The following CTNNA3 variants were observed in gnomAD, a reference collection of about 807,000 sequenced individuals.
The protein encoded by CTNNA3 is catenin alpha-3.
Under a neutral mutation model 95.7 loss-of-function variants are expected in CTNNA3, and 76 were observed. The ratio of observed to expected loss-of-function variants is 0.79; its 90% CI spans 0.66 to 0.96. CTNNA3 has a LOEUF of 0.96. Ranked by LOEUF, CTNNA3 falls within the 40% of genes least tolerant of loss-of-function variation. The probability of loss-of-function intolerance (pLI) is 0.00; values close to 1 mark genes in which losing one functional copy is unlikely to be tolerated. For missense variants in CTNNA3, 1,191 were observed against 1,089.8 expected, an observed-to-expected ratio of 1.09 and a Z score of -1.31; for synonymous variants, 431 against 374.4, an observed-to-expected ratio of 1.15 and a Z score of -1.74.
At chr10:66,986,266 G>T (rs988763067) in intron 7 of CTNNA3, among the ~76,000 whole-genome samples, 1 of 152,210 alleles carries the variant, frequency 6.6e-6, no homozygotes, top group East Asian at 1.9e-4. Flanking sequence ...GAGAGGCCGA[G>T]GCAGGCAGTT....
Position 67,648,406 on chromosome 10 carries a change from C to T in CTNNA3, c.-5-888G>A, listed in dbSNP as rs78033489. On this transcript the variant is annotated intron_variant, in intron 1 of 17. Transcript: ENST00000433211. Reference sequence around the variant, plus strand: ...CATCGTTGATTGCAAAGAGAGAGCACACTTCCTGAAATGTAGCACATTTCT... The same window carrying T: ...CATCGTTGATTGCAAAGAGAGAGCATACTTCCTGAAATGTAGCACATTTCT... 0.034 allele frequency among the ~76,000 whole-genome samples: 5,153 copies of T among 152,230 alleles called. 614 individuals are homozygous for T. The East Asian group carries it at 0.43, about 13-fold the overall frequency.
chr10:66,986,476 G>A (rs1345635932), intron 7 of CTNNA3, among the ~76,000 whole-genome samples: 1 of 148,686 alleles, frequency 6.7e-6, no homozygotes, highest in Non-Finnish European at 1.5e-5. Flanking sequence ...CAGCCTCAGC[G>A]ACAGAGCAAG....
In CTNNA3 at chr10:66,029,179, CT is replaced by C. The variant is rs146002405; in HGVS notation, c.2159+40128del. On this transcript the variant is annotated intron_variant, in intron 15 of 17. Transcript: ENST00000433211. Reference sequence around the variant, plus strand: ...CATTCTTACATAGCTTCTAATTGGCCTTTTTACTTGGATATTTGCTTCTTAC... The same window carrying C: ...CATTCTTACATAGCTTCTAATTGGCCTTTTACTTGGATATTTGCTTCTTAC... 7.8e-3 allele frequency among the ~76,000 whole-genome samples: 1,187 copies of C among 152,142 alleles called. 12 individuals carry two copies. The highest frequency in any genetic ancestry group is 0.027 in the African/African-American group (1,128 of 41,506).
chr10:67,503,071 T>C (rs1394980882), intron 5 of CTNNA3, among the ~76,000 whole-genome samples: 1 of 152,216 alleles, frequency 6.6e-6, no homozygotes, highest in East Asian at 1.9e-4. Flanking sequence ...CCCAGTTTTG[T>C]GCTTGAAACC....
chr10:66,817,862 T>C (rs1018177494), intron 7 of CTNNA3, among the ~76,000 whole-genome samples: 2 of 151,808 alleles, frequency 1.3e-5, no homozygotes, highest in Non-Finnish European at 2.9e-5. Context: ...CAGATAAACA[T>C]CCTTTAAAAT....
intron 7 of CTNNA3, among the ~76,000 whole-genome samples, chr10:67,029,298 C>G (rs1853578096): frequency 6.6e-6 from 1 of 152,130 alleles, no homozygotes; most frequent in South Asian, 2.1e-4. Context: ...TAAAACAAAT[C>G]CCAAATCCAT....
chr10:67,007,420 A>G (rs919482375), intron 7 of CTNNA3, among the ~76,000 whole-genome samples: 2 of 151,938 alleles, frequency 1.3e-5, no homozygotes, highest in African/African-American at 4.8e-5. Flanking sequence ...TTAACATAAA[A>G]TAGCCCTTAA....
Position 67,410,469 on chromosome 10 carries a change from T to C in CTNNA3, c.579+111373A>G, listed in dbSNP as rs530278946. On this transcript the variant is annotated intron_variant, in intron 5 of 17. Transcript: ENST00000433211. ...AACCACCATGGCACACATTTACCTA[T>C]GTAATAAATCTGCACAACCTGTACA... Among the ~76,000 whole-genome samples the C allele has an allele frequency of 1.4e-4, 21 of 152,190 alleles. No homozygotes were observed. The East Asian group carries it at 2.3e-3, about 17-fold the overall frequency.
chr10:66,340,560 T>A (rs1175761549), intron 12 of CTNNA3, among the ~76,000 whole-genome samples: 1 of 151,870 alleles, frequency 6.6e-6, no homozygotes, highest in Non-Finnish European at 1.5e-5. Context: ...ACTATTTACA[T>A]GATTCTATTC....
chr10:66,157,491 GTAGA>G (rs34507083), intron 13 of CTNNA3, among the ~76,000 whole-genome samples: 36,791 of 147,044 alleles, frequency 0.25, 4,604 homozygotes, highest in Middle Eastern at 0.29. Context: ...AGATAGATAT[GTAGA>G]TAGATAGATA....
At chr10:66,279,853 C>T (rs902673663) in intron 13 of CTNNA3, among the ~76,000 whole-genome samples, 1 of 152,020 alleles carries the variant, frequency 6.6e-6, no homozygotes, top group Non-Finnish European at 1.5e-5. Context: ...GAACATTTTA[C>T]ATTAATAATT....
In CTNNA3 at chr10:67,254,544, T is replaced by G. The variant is rs1013858811; in HGVS notation, c.580-34674A>C. Reference sequence around the variant, plus strand: ...ATCTAAATCTATACTCTGAGCCCAATGTAATGCTACTTCTATTAACAGGTC... The same window carrying G: ...ATCTAAATCTATACTCTGAGCCCAAGGTAATGCTACTTCTATTAACAGGTC... On this transcript the variant is annotated intron_variant, in intron 5 of 17. Transcript: ENST00000433211. 3.9e-5 allele frequency among the ~76,000 whole-genome samples: 6 copies of G among 152,210 alleles called. No individual in the cohort carries two copies. The East Asian group carries it at 9.6e-4, about 24-fold the overall frequency.
intron 13 of CTNNA3, among the ~76,000 whole-genome samples, chr10:66,204,550 C>T (rs1244928671): frequency 6.6e-6 from 1 of 152,170 alleles, no homozygotes; most frequent in Non-Finnish European, 1.5e-5. Flanking sequence ...TCTGCCCCAG[C>T]CTTCAGCTCC....
intron 13 of CTNNA3, among the ~76,000 whole-genome samples, chr10:66,119,195 CAT>C (rs1409538281): frequency 6.6e-6 from 1 of 152,140 alleles, no homozygotes; most frequent in Non-Finnish European, 1.5e-5. Context: ...GTGGGACTGT[CAT>C]AAATTAGATG....
At chr10:66,198,790 T>G (rs966765925) in intron 13 of CTNNA3, among the ~76,000 whole-genome samples, 1 of 152,218 alleles carries the variant, frequency 6.6e-6, no homozygotes, top group African/African-American at 2.4e-5. Flanking sequence ...TGTAATATAT[T>G]TTCCAAAAGT....
At chr10:66,556,654 AT>A (rs1842399901) in intron 10 of CTNNA3, among the ~76,000 whole-genome samples, 1 of 152,070 alleles carries the variant, frequency 6.6e-6, no homozygotes, top group Admixed American at 6.6e-5. Context: ...ATCCACTTAT[AT>A]GTGAAATACA....
intron 7 of CTNNA3, among the ~76,000 whole-genome samples, chr10:66,848,657 A>G (rs775565015): frequency 6.6e-6 from 1 of 152,200 alleles, no homozygotes; most frequent in Non-Finnish European, 1.5e-5. Flanking sequence ...CTAATAAAAT[A>G]GAACATGTTG....
At chr10:66,801,022 T>C (rs1274493605) in intron 7 of CTNNA3, among the ~76,000 whole-genome samples, 1 of 151,304 alleles carries the variant, frequency 6.6e-6, no homozygotes, top group East Asian at 1.9e-4. Flanking sequence ...GTTAATTCTA[T>C]CCAAAATTTA....
intron 5 of CTNNA3, among the ~76,000 whole-genome samples, chr10:67,301,811 A>T (rs144270331): frequency 0.047 from 7,051 of 151,330 alleles, 523 homozygotes; most frequent in African/African-American, 0.16. Flanking sequence ...TACTAAAAAT[A>T]CACAAAAATT....
Sources: gnomAD v4.1 joint callset for allele counts (sites outside exome capture counted in the v4.1 genomes callset) on GRCh38, gnomAD v4.1.1 for gene constraint, MANE v1.5 for transcripts, NCBI Gene and HGNC (gene_info 2026-07-23, HGNC 2026-07-21) for gene names.